The following PACS1 variants were observed in gnomAD, a reference collection of about 807,000 sequenced individuals.
PACS1 encodes the protein PACS-1.
In PACS1, 24 loss-of-function variants were observed where a neutral mutation model predicts 115.0. That is an observed-to-expected ratio of 0.21 (90% CI 0.15 to 0.29). The LOEUF (loss-of-function observed/expected upper bound fraction) is 0.29, where lower values mean the gene tolerates loss of function less well. Ranked by LOEUF, PACS1 falls within the 10% of genes least tolerant of loss-of-function variation. The pLI, the probability that PACS1 is intolerant of heterozygous loss-of-function variation, is 1.00. For synonymous variants in PACS1, 453 were observed against 504.5 expected (o/e 0.90, Z 1.37); for missense variants, 838 against 1,251.2 (o/e 0.67, Z 4.98).
chr11:66,081,868 T>TC (rs371646911), intron 1 of PACS1, among the ~76,000 whole-genome samples: 2 of 152,222 alleles, frequency 1.3e-5, no homozygotes, highest in African/African-American at 4.8e-5. Context: ...AATTTTTTTT[T>TC]CTCTTGTCTT....
chr11:66,154,073 T>A (rs1387851495), intron 1 of PACS1, among the ~76,000 whole-genome samples: 7 of 152,228 alleles, frequency 4.6e-5, no homozygotes. Flanking sequence ...GGATACTTTA[T>A]AATGATAAAA....
intron 10 of PACS1, among the ~76,000 whole-genome samples, chr11:66,226,361 G>T (rs953077423): frequency 5.9e-5 from 9 of 152,204 alleles, no homozygotes; most frequent in African/African-American, 1.7e-4. Flanking sequence ...TGGAGCAGGG[G>T]TTCTCAACTG....
At chr11:66,071,872 A>G (rs958615407) in intron 1 of PACS1, among the ~76,000 whole-genome samples, 5 of 152,018 alleles carry the variant, frequency 3.3e-5, no homozygotes, top group African/African-American at 9.7e-5. Flanking sequence ...TTTATTCTGG[A>G]TAATATTGTT....
intron 1 of PACS1, among the ~76,000 whole-genome samples, chr11:66,128,836 A>C (rs1349592812): frequency 6.6e-6 from 1 of 151,314 alleles, no homozygotes; most frequent in Non-Finnish European, 1.5e-5. Context: ...GTGAGCCGAG[A>C]TCGTGCCACT....
chr11:66,158,097 A>T (rs1252109250), intron 1 of PACS1, among the ~76,000 whole-genome samples: 1 of 152,058 alleles, frequency 6.6e-6, no homozygotes, highest in East Asian at 1.9e-4. Flanking sequence ...CTCCCGAGTA[A>T]CTGAGACTAC....
At chr11:66,209,441 G>A (rs1321943895) in intron 2 of PACS1, among the ~76,000 whole-genome samples, 1 of 152,106 alleles carries the variant, frequency 6.6e-6, no homozygotes, top group South Asian at 2.1e-4. Flanking sequence ...CACACCCTGG[G>A]GACTGACACT....
At chr11:66,178,457 T>G (rs1859925332) in intron 1 of PACS1, among the ~76,000 whole-genome samples, 1 of 152,214 alleles carries the variant, frequency 6.6e-6, no homozygotes, top group South Asian at 2.1e-4. Context: ...GTGATAGACA[T>G]TCACAGTATT....
intron 2 of PACS1, among the ~76,000 whole-genome samples, chr11:66,208,152 C>A (rs530862936): frequency 6.6e-6 from 1 of 152,270 alleles, no homozygotes; most frequent in African/African-American, 2.4e-5. Flanking sequence ...CAGGGCTCCA[C>A]TTCCTTGGTC....
At position 66,236,004 on chromosome 11, in the gene PACS1, C is replaced by T. The variant is rs1590840877; in HGVS notation, c.2250+64C>T. 1.4e-6 allele frequency: 2 copies of T among 1,410,086 alleles called. No individual in the cohort carries two copies. The highest frequency in any genetic ancestry group is 2.0e-6 in the Non-Finnish European group (2 of 993,634). The allele number at this position is 1,410,086 out of a possible 1,614,324, so 87.3% of individuals were successfully genotyped here. A position where few individuals can be genotyped will look rare whatever the true frequency, so the allele number is the denominator to read the frequency against. On this transcript the variant is annotated intron_variant, in intron 19 of 23. Transcript: ENST00000320580. The surrounding 1 kb of genome is among the most constrained non-coding windows in gnomAD (Gnocchi z 4.2). ...CTCCTGGTCTTCCTGTTCCCCCTTACACAGGAAAACAAAAGATTCATCTAG... is the reference window on the plus strand; with the variant it reads ...CTCCTGGTCTTCCTGTTCCCCCTTATACAGGAAAACAAAAGATTCATCTAG...
chr11:66,179,421 G>A (rs1859949317), intron 1 of PACS1, among the ~76,000 whole-genome samples: 1 of 152,012 alleles, frequency 6.6e-6, no homozygotes, highest in African/African-American at 2.4e-5. Context: ...TCGGGTGATC[G>A]GCCCGCCCCA....
intron 1 of PACS1, among the ~76,000 whole-genome samples, chr11:66,139,484 AC>A (rs1318694829): frequency 2.7e-5 from 3 of 110,678 alleles, no homozygotes; most frequent in Non-Finnish European, 3.7e-5. Context: ...CCTCCCATCC[AC>A]CCCCCTAACC....
intron 1 of PACS1, among the ~76,000 whole-genome samples, chr11:66,190,490 A>G (rs1057374121): frequency 6.6e-6 from 1 of 152,076 alleles, no homozygotes; most frequent in Non-Finnish European, 1.5e-5. Flanking sequence ...CAATGGCGCA[A>G]TCTTGGCTCA....
intron 1 of PACS1, among the ~76,000 whole-genome samples, chr11:66,073,048 A>G (rs1306059222): frequency 1.3e-5 from 2 of 152,260 alleles, no homozygotes; most frequent in Admixed American, 1.3e-4. Context: ...TTATTTTTAC[A>G]TTCCGGGAGT....
intron 21 of PACS1, among the ~76,000 whole-genome samples, chr11:66,240,033 C>T (rs117850109): frequency 0.033 from 4,955 of 152,248 alleles, 119 homozygotes; most frequent in Admixed American, 0.049. Context: ...TTTTTAGGGA[C>T]GTGGATTGTC....
chr11:66,118,165 A>G (rs1341464503), intron 1 of PACS1, among the ~76,000 whole-genome samples: 2 of 152,180 alleles, frequency 1.3e-5, no homozygotes, highest in African/African-American at 4.8e-5. Flanking sequence ...AGAATAGACT[A>G]AGGGGTTGGT....
In PACS1 at chr11:66,128,745, G is replaced by A. The variant is rs143960049; in HGVS notation, c.356+57903G>A. ...CTAAAATTACAAAAATTAGCCAGGC[G>A]TAGTGACATGCGCCTGTAATCTCAG... On this transcript the variant is annotated intron_variant, in intron 1 of 23. Coordinates refer to ENST00000320580, the MANE Select transcript of PACS1 (RefSeq NM_018026.4). 4.9e-3 allele frequency among the ~76,000 whole-genome samples: 747 copies of A among 152,036 alleles called. 3 individuals are homozygous for A. Among genetic ancestry groups the A allele is most frequent in the African/African-American group, 0.017 (702 of 41,434 alleles).
chr11:66,112,965 T>G (rs1271160138), intron 1 of PACS1, among the ~76,000 whole-genome samples: 3 of 152,216 alleles, frequency 2.0e-5, no homozygotes, highest in Non-Finnish European at 2.9e-5. Context: ...GAGCACATAC[T>G]TAGGATTCCA....
At chr11:66,075,827 T>C (rs911746502) in intron 1 of PACS1, among the ~76,000 whole-genome samples, 1 of 149,252 alleles carries the variant, frequency 6.7e-6, no homozygotes, top group Non-Finnish European at 1.5e-5. Context: ...AAGCTCTGCC[T>C]CCTGGGTTCA....
intron 2 of PACS1, among the ~76,000 whole-genome samples, chr11:66,208,407 G>A (rs377185830): frequency 2.0e-5 from 3 of 152,046 alleles, no homozygotes; most frequent in East Asian, 3.9e-4. Context: ...TACTTGAGCC[G>A]AGGAGTTCAA....
Sources: gnomAD v4.1 joint callset for allele counts (sites outside exome capture counted in the v4.1 genomes callset) on GRCh38, gnomAD v4.1.1 for gene constraint, Gnocchi (gnomAD v3.1) non-coding constraint, MANE v1.5 for transcripts, NCBI Gene and HGNC (gene_info 2026-07-23, HGNC 2026-07-21) for gene names.